The following CNTNAP2 variants were observed in gnomAD, a reference collection of about 807,000 sequenced individuals.
CNTNAP2 encodes the protein contactin-associated protein-like 2.
A neutral mutation model predicts 155.2 loss-of-function variants in CNTNAP2; 98 were observed. The ratio of observed to expected loss-of-function variants is 0.63; its 90% CI spans 0.54 to 0.75. The LOEUF is 0.75. Ranked by LOEUF, CNTNAP2 falls within the 30% of genes least tolerant of loss-of-function variation. The probability of loss-of-function intolerance (pLI) is 0.00; values close to 1 mark genes in which losing one functional copy is unlikely to be tolerated. For missense variants in CNTNAP2, 1,727 were observed against 1,688.1 expected (o/e 1.02, Z -0.40); for synonymous variants, 651 against 631.2 (o/e 1.03, Z -0.47).
intron 3 of CNTNAP2, among the ~76,000 whole-genome samples, chr7:146,906,817 G>A (rs942307188): frequency 6.6e-6 from 1 of 150,954 alleles, no homozygotes; most frequent in Non-Finnish European, 1.5e-5. Context: ...ACTTTGACGA[G>A]CTGAGAGAAG....
At chr7:146,197,400 A>C (rs1408101582) in intron 1 of CNTNAP2, among the ~76,000 whole-genome samples, 2 of 152,158 alleles carry the variant, frequency 1.3e-5, no homozygotes, top group Non-Finnish European at 2.9e-5. Flanking sequence ...GACCTTAGAA[A>C]TCAGGTATAT....
rs71183011 is a variant in CNTNAP2 at position 147,502,741 on chromosome 7, GTA to G, written c.1777+16717_1777+16718del. 1.6e-3 allele frequency among the ~76,000 whole-genome samples: 161 copies of G among 99,920 alleles called. 1 individual carries two copies. The highest frequency in any genetic ancestry group is 0.011 in the Middle Eastern group (2 of 188). The allele number at this position is 99,920 out of a possible 152,430, so 65.6% of individuals were successfully genotyped here. On this transcript the variant is annotated intron_variant, in intron 11 of 23. Transcript: ENST00000361727. ...AATGTGTGTGTGTGTGTGTGTGTGT[GTA>G]TATATATATATATATAAAACAAATC... is the stretch of plus-strand genomic sequence containing the variant.
At chr7:146,735,416 G>A (rs576764309) in intron 1 of CNTNAP2, among the ~76,000 whole-genome samples, 3 of 152,156 alleles carry the variant, frequency 2.0e-5, no homozygotes, top group Non-Finnish European at 2.9e-5. Context: ...CTAGCCAGGC[G>A]TTGTGGCGGG....
At chr7:148,386,878 A>G (rs1000242914) in intron 22 of CNTNAP2, among the ~76,000 whole-genome samples, 1 of 152,184 alleles carries the variant, frequency 6.6e-6, no homozygotes, top group African/African-American at 2.4e-5. Flanking sequence ...CCAGCTTAGT[A>G]GGGAAAAGAG....
chr7:147,063,836 G>A (rs560884205), intron 4 of CNTNAP2, among the ~76,000 whole-genome samples: 1 of 152,068 alleles, frequency 6.6e-6, no homozygotes, highest in South Asian at 2.1e-4. Flanking sequence ...AAAAAGCAGT[G>A]TAATATAAAA....
chr7:147,472,823 T>C (rs557326508), intron 10 of CNTNAP2, among the ~76,000 whole-genome samples: 5 of 152,304 alleles, frequency 3.3e-5, no homozygotes, highest in African/African-American at 1.2e-4. Flanking sequence ...GTAGCAAAAT[T>C]AGAGAATAAC....
intron 3 of CNTNAP2, among the ~76,000 whole-genome samples, chr7:146,906,082 G>A (rs1796118214): frequency 1.3e-5 from 2 of 152,216 alleles, no homozygotes; most frequent in African/African-American, 4.8e-5. Context: ...CCCGAATATT[G>A]AGCTTTCAGA....
At chr7:147,610,594 G>T (rs1247411730) in intron 12 of CNTNAP2, among the ~76,000 whole-genome samples, 1 of 152,134 alleles carries the variant, frequency 6.6e-6, no homozygotes, top group African/African-American at 2.4e-5. Context: ...ACAGTTGGGT[G>T]GGCCTCAGTG....
At chr7:148,356,707 G>T (rs12531117) in intron 21 of CNTNAP2, among the ~76,000 whole-genome samples, 49,597 of 151,856 alleles carry the variant, frequency 0.33, 9,468 homozygotes, top group East Asian at 0.64. Context: ...TTAGAAGTAT[G>T]CTCATTTATA....
chr7:147,654,740 A>G (rs1795498981), intron 13 of CNTNAP2, among the ~76,000 whole-genome samples: 1 of 151,402 alleles, frequency 6.6e-6, no homozygotes, highest in African/African-American at 2.4e-5. Context: ...GAGGTTTTCA[A>G]TGTAGTTTAC....
intron 1 of CNTNAP2, among the ~76,000 whole-genome samples, chr7:146,198,402 C>T (rs760847966): frequency 1.3e-5 from 2 of 152,014 alleles, no homozygotes; most frequent in African/African-American, 4.8e-5. Flanking sequence ...ATGACTTATT[C>T]GTTATATTGA....
intron 1 of CNTNAP2, among the ~76,000 whole-genome samples, chr7:146,218,990 A>C (rs977542972): frequency 2.0e-5 from 3 of 152,196 alleles, no homozygotes; most frequent in Non-Finnish European, 2.9e-5. Context: ...TAGAGGAAAG[A>C]GATTTAATGG....
intron 11 of CNTNAP2, among the ~76,000 whole-genome samples, chr7:147,539,568 G>A (rs1477997009): frequency 3.3e-5 from 5 of 152,162 alleles, no homozygotes; most frequent in Middle Eastern, 6.3e-3. Context: ...GCTGAATTGT[G>A]TTGTGTTTTT....
intron 13 of CNTNAP2, among the ~76,000 whole-genome samples, chr7:147,660,428 A>G (rs976673664): frequency 1.3e-5 from 2 of 152,124 alleles, no homozygotes; most frequent in Non-Finnish European, 2.9e-5. Flanking sequence ...TCCCAATTTC[A>G]CAGGAGACCC....
At chr7:147,480,234 C>T (rs1335243015) in intron 10 of CNTNAP2, among the ~76,000 whole-genome samples, 1 of 152,088 alleles carries the variant, frequency 6.6e-6, no homozygotes, top group Non-Finnish European at 1.5e-5. Context: ...ATTAAGGAGG[C>T]AATTTATACT....
intron 13 of CNTNAP2, among the ~76,000 whole-genome samples, chr7:147,839,849 A>C (rs992841979): frequency 6.6e-6 from 1 of 152,076 alleles, no homozygotes; most frequent in Non-Finnish European, 1.5e-5. Context: ...TAAGTGTCTA[A>C]TGGATGATTG....
rs1231791213 is a variant in CNTNAP2, at chr7:147,313,572, T to C, written c.1498+13282T>C. 4.7e-5 allele frequency among the ~76,000 whole-genome samples: 7 copies of C among 147,998 alleles called. No homozygotes were observed. The East Asian group carries it at 1.2e-3, about 26-fold the overall frequency. On this transcript the variant is annotated intron_variant, in intron 9 of 23. Transcript: ENST00000361727. ...AGGTTTGTCAAAGATCAGATAGTTG[T>C]AGATATGCAGCGTTATTTCTGAGGG...
At chr7:147,393,228 T>C (rs924023657) in intron 9 of CNTNAP2, among the ~76,000 whole-genome samples, 2 of 152,124 alleles carry the variant, frequency 1.3e-5, no homozygotes, top group African/African-American at 2.4e-5. Flanking sequence ...TATAATTATC[T>C]TCTCCTAGAA....
chr7:148,064,532 C>CA (rs1803217499), intron 15 of CNTNAP2, among the ~76,000 whole-genome samples: 1 of 151,764 alleles, frequency 6.6e-6, no homozygotes, highest in Non-Finnish European at 1.5e-5. Flanking sequence ...AAGACTCATC[C>CA]AAAAAACCTC....
Sources: gnomAD v4.1 joint callset for allele counts (sites outside exome capture counted in the v4.1 genomes callset) on GRCh38, gnomAD v4.1.1 for gene constraint, MANE v1.5 for transcripts, NCBI Gene and HGNC (gene_info 2026-07-23, HGNC 2026-07-21) for gene names.